Variants in SPAG16 observed in about 807,000 individuals in gnomAD.
The protein encoded by SPAG16 is sperm-associated antigen 16 protein.
A neutral mutation model predicts 80.4 loss-of-function variants in SPAG16; 86 were observed. The observed-to-expected ratio is 1.07, with a 90% CI of 0.90 to 1.28. SPAG16 has a LOEUF of 1.28. SPAG16 is among the 50% of genes most tolerant of loss of function. The pLI is 0.00. For missense variants in SPAG16, 870 were observed against 765.3 expected (o/e 1.14, Z -1.61); for synonymous variants, 294 against 265.9 (o/e 1.11, Z -1.03).
chr2:213,567,165 C>CTTTTT (rs531916197), intron 10 of SPAG16, among the ~76,000 whole-genome samples: 3 of 94,902 alleles, frequency 3.2e-5, no homozygotes, highest in Non-Finnish European at 6.4e-5. Context: ...AACACAGATT[C>CTTTTT]TTTTTTTTTT....
intron 10 of SPAG16, among the ~76,000 whole-genome samples, chr2:213,859,007 C>T (rs1465954985): frequency 2.7e-5 from 4 of 150,916 alleles, no homozygotes; most frequent in Non-Finnish European, 5.9e-5. Flanking sequence ...GGTGAAATTC[C>T]ATCTGTACTA....
intron 13 of SPAG16, among the ~76,000 whole-genome samples, chr2:214,083,320 G>A (rs1383429056): frequency 6.6e-6 from 1 of 152,024 alleles, no homozygotes; most frequent in Non-Finnish European, 1.5e-5. Flanking sequence ...AGAACCTGTG[G>A]GTATATGGAT....
chr2:213,350,672 A>AAATGAT (rs1471985331), intron 7 of SPAG16, 27 bp downstream of exon 7: 1 of 1,290,592 alleles, frequency 7.7e-7, no homozygotes, highest in Non-Finnish European at 1.1e-6. Flanking sequence ...AGCTAACTTA[A>AAATGAT]AATGATCTTT....
chr2:213,676,452 T>C (rs1253393384), intron 10 of SPAG16, among the ~76,000 whole-genome samples: 1 of 149,738 alleles, frequency 6.7e-6, no homozygotes, highest in East Asian at 2.0e-4. Flanking sequence ...GGCATCCCTG[T>C]CTTGTGCCAG....
intron 10 of SPAG16, among the ~76,000 whole-genome samples, chr2:213,796,323 C>G (rs2071024908): frequency 6.6e-6 from 1 of 152,088 alleles, no homozygotes; most frequent in Non-Finnish European, 1.5e-5. Flanking sequence ...ACTTTCAACC[C>G]CAGGAAACAT....
chr2:213,527,483 C>T (rs1161999360), intron 10 of SPAG16, among the ~76,000 whole-genome samples: 4 of 152,092 alleles, frequency 2.6e-5, no homozygotes, highest in Admixed American at 6.6e-5. Flanking sequence ...AATTTAGCAT[C>T]TTCATTTAAT....
chr2:213,654,956 G>T (rs1412725165), intron 10 of SPAG16, among the ~76,000 whole-genome samples: 1 of 152,130 alleles, frequency 6.6e-6, no homozygotes, highest in Non-Finnish European at 1.5e-5. Flanking sequence ...TGTTCATAGT[G>T]ATTACTCTGA....
At position 213,348,058 on chromosome 2, in the gene SPAG16, A is replaced by T. The variant is rs1375938092; in HGVS notation, c.645-2470A>T. Among the ~76,000 whole-genome samples, 3 of 152,292 alleles carry T rather than the reference A, an allele frequency of 2.0e-5. No individual in the cohort carries two copies. The East Asian group carries it at 5.8e-4, about 29-fold the overall frequency. On this transcript the variant is annotated intron_variant, in intron 6 of 15. Coordinates refer to ENST00000331683, the MANE Select transcript of SPAG16 (RefSeq NM_024532.5). ...AGGTCTCTAAGGACTTGCTTTAAGAATCTGGGTGCTCCTGTATTAGGTGCA... is the reference window on the plus strand; with the variant it reads ...AGGTCTCTAAGGACTTGCTTTAAGATTCTGGGTGCTCCTGTATTAGGTGCA...
At chr2:213,421,437 C>G (rs1329823677) in intron 9 of SPAG16, among the ~76,000 whole-genome samples, 1 of 152,220 alleles carries the variant, frequency 6.6e-6, no homozygotes, top group African/African-American at 2.4e-5. Flanking sequence ...TTGGCATGAA[C>G]AGCCTGGGTG....
chr2:213,947,849 T>G (rs528564111), intron 12 of SPAG16, among the ~76,000 whole-genome samples: 1 of 152,126 alleles, frequency 6.6e-6, no homozygotes, highest in African/African-American at 2.4e-5. Flanking sequence ...TATAACCGTA[T>G]AGTAAGTCTT....
In SPAG16 at chr2:213,365,447, A is replaced by C. The variant is rs1404756728; in HGVS notation, c.832+1302A>C. Reference sequence around the variant, plus strand: ...TTGAAGTTCTACAGCTGAAAAGTAGAATAACTAAAATGAATTTTTTTTTTT... The same window carrying C: ...TTGAAGTTCTACAGCTGAAAAGTAGCATAACTAAAATGAATTTTTTTTTTT... On this transcript the variant is annotated intron_variant, in intron 8 of 15. Transcript: ENST00000331683. 3 of 150,388 alleles carry C rather than the reference A, an allele frequency of 2.0e-5. No individual in the cohort carries two copies. In the East Asian group the frequency reaches 5.8e-4, roughly 29 times the overall value. 9.3% of individuals were successfully genotyped at this position (150,388 alleles called of 1,614,324 possible).
chr2:213,613,300 C>A (rs966757546), intron 10 of SPAG16, among the ~76,000 whole-genome samples: 5 of 152,162 alleles, frequency 3.3e-5, no homozygotes, highest in African/African-American at 1.2e-4. Flanking sequence ...AACTCATTGG[C>A]TCTTTATTTA....
At chr2:214,265,770 T>G (rs551047039) in intron 15 of SPAG16, among the ~76,000 whole-genome samples, 85 of 152,064 alleles carry the variant, frequency 5.6e-4, no homozygotes, top group Non-Finnish European at 5.9e-4. Context: ...TGAGTTAAAT[T>G]ATTGTGAGTT....
intron 10 of SPAG16, among the ~76,000 whole-genome samples, chr2:213,613,894 G>T (rs554143274): frequency 6.6e-6 from 1 of 152,278 alleles, no homozygotes; most frequent in Non-Finnish European, 1.5e-5. Context: ...TATAAACTAA[G>T]AATGGAAGTA....
At chr2:213,764,384 A>C (rs1243301998) in intron 10 of SPAG16, among the ~76,000 whole-genome samples, 2 of 152,112 alleles carry the variant, frequency 1.3e-5, no homozygotes, top group African/African-American at 4.8e-5. Context: ...GGAAAAAAAA[A>C]ACCTGAGTAA....
Position 214,149,233 on chromosome 2 carries a change from A to C in SPAG16, c.1687A>C (p.Ser563Arg), listed in dbSNP as rs1278165214. 1.9e-6 allele frequency: 3 copies of C among 1,591,814 alleles called. No individual in the cohort carries two copies. The African/African-American group carries it at 4.0e-5, about 21-fold the overall frequency. ...AATTGTGTCCATCGATATAGGTCCAAGTCCTGGCAATGAGGTGAATTTTGA... is the reference window on the plus strand; with the variant it reads ...AATTGTGTCCATCGATATAGGTCCACGTCCTGGCAATGAGGTGAATTTTGA... The part of the protein sequence containing the change: ...LPIVSIDIGP[S>R]PGNEVNFDSS... The change falls in exon 15 of 16, where the codon AGT becomes CGT. Residue 563 changes from serine to arginine, a missense_variant. Coordinates refer to ENST00000331683, the MANE Select transcript of SPAG16 (RefSeq NM_024532.5).
intron 9 of SPAG16, among the ~76,000 whole-genome samples, chr2:213,453,495 C>T (rs1051392433): frequency 2.0e-5 from 3 of 152,158 alleles, no homozygotes; most frequent in Non-Finnish European, 4.4e-5. Context: ...CCAGTTTAAG[C>T]AGTTTAATTA....
chr2:214,172,170 G>A (rs974016706), intron 15 of SPAG16, among the ~76,000 whole-genome samples: 5 of 151,628 alleles, frequency 3.3e-5, no homozygotes, highest in African/African-American at 1.2e-4. Context: ...ATGTATACAT[G>A]TGCCATGCTG....
chr2:213,299,479 C>T (rs994454369), intron 3 of SPAG16, among the ~76,000 whole-genome samples: 12 of 151,284 alleles, frequency 7.9e-5, no homozygotes, highest in Non-Finnish European at 1.5e-4. Context: ...GGGGTTTCAC[C>T]ATGTTAGCCA....
Sources: allele counts gnomAD v4.1 joint callset (sites outside exome capture counted in the v4.1 genomes callset), GRCh38; gene constraint gnomAD v4.1.1; transcripts MANE v1.5; gene names NCBI Gene and HGNC (gene_info 2026-07-23, HGNC 2026-07-21).